TRAPPC12: variants seen among roughly 807,000 people sequenced by gnomAD.
TRAPPC12 encodes the protein trafficking protein particle complex subunit 12.
A neutral mutation model predicts 69.2 loss-of-function variants in TRAPPC12; 61 were observed. That is an observed-to-expected ratio of 0.88 (90% CI 0.72 to 1.09). TRAPPC12 has a LOEUF of 1.09. TRAPPC12 is among the 50% of genes least tolerant of loss of function. The pLI, the probability that TRAPPC12 is intolerant of heterozygous loss-of-function variation, is 0.00. For missense variants in TRAPPC12, 1,101 were observed against 1,016.4 expected, an observed-to-expected ratio of 1.08 and a Z score of -1.13; for synonymous variants, 469 against 438.9, an observed-to-expected ratio of 1.07 and a Z score of -0.86.
At chr2:3,392,129 C>T (rs1358655694) in intron 2 of TRAPPC12, among the ~76,000 whole-genome samples, 1 of 152,166 alleles carries the variant, frequency 6.6e-6, no homozygotes, top group Non-Finnish European at 1.5e-5. Flanking sequence ...GCTAAGAGTA[C>T]TCAGTACCTT....
At chr2:3,436,337 A>G (rs545256192) in intron 5 of TRAPPC12, among the ~76,000 whole-genome samples, 15 of 152,168 alleles carry the variant, frequency 9.9e-5, no homozygotes, top group Non-Finnish European at 2.2e-4. Flanking sequence ...CAATCCCCAT[A>G]TCTGAACCAT....
At chr2:3,453,894 C>G (rs142544293) in intron 6 of TRAPPC12, among the ~76,000 whole-genome samples, 1 of 152,360 alleles carries the variant, frequency 6.6e-6, no homozygotes, top group Non-Finnish European at 1.5e-5. Context: ...AGCCAGACAA[C>G]TGTCTCTAGA....
chr2:3,472,729 A>C (rs1666119331), intron 9 of TRAPPC12: 1 of 152,250 alleles, frequency 6.6e-6, no homozygotes, highest in African/African-American at 2.4e-5. Flanking sequence ...AGAGACTTAC[A>C]TCCAGAATAT....
intron 3 of TRAPPC12, among the ~76,000 whole-genome samples, chr2:3,420,251 G>C (rs192600725): frequency 1.3e-5 from 2 of 152,140 alleles, no homozygotes; most frequent in Non-Finnish European, 2.9e-5. Flanking sequence ...GCAGCCCAGG[G>C]ACGGCTGGTG....
rs1213470111 is a variant in TRAPPC12 at position 3,409,026 on chromosome 2, C to A, written c.1164+7133C>A. On this transcript the variant is annotated intron_variant, in intron 3 of 11. Transcript: ENST00000324266. ...TGCCCGGCCAGGGGCAGTCTCCTGG[C>A]GGCTGTGATCCTCTTCCTGAGGCTG... Among the ~76,000 whole-genome samples the A allele has an allele frequency of 2.0e-5, 3 of 152,210 alleles. No individual in the cohort carries two copies. The South Asian group carries it at 6.2e-4, about 31-fold the overall frequency.
At chr2:3,390,673 T>C (rs1019267467) in intron 2 of TRAPPC12, among the ~76,000 whole-genome samples, 3 of 152,236 alleles carry the variant, frequency 2.0e-5, no homozygotes, top group African/African-American at 7.2e-5. Flanking sequence ...CATGTTGTTA[T>C]TTATTTTACC....
intron 6 of TRAPPC12, among the ~76,000 whole-genome samples, chr2:3,447,934 G>A (rs866553824): frequency 1.4e-4 from 21 of 152,134 alleles, no homozygotes; most frequent in African/African-American, 4.6e-4. Context: ...AGACCTCTCG[G>A]TCCGTGGACT....
intron 3 of TRAPPC12, among the ~76,000 whole-genome samples, chr2:3,421,414 C>T (rs1404495473): frequency 1.3e-5 from 2 of 152,162 alleles, no homozygotes; most frequent in African/African-American, 4.8e-5. Context: ...AAATTATGAA[C>T]ATATAAAGCC....
intron 9 of TRAPPC12, among the ~76,000 whole-genome samples, chr2:3,474,915 A>C (rs1666232574): frequency 6.6e-6 from 1 of 152,122 alleles, no homozygotes; most frequent in Non-Finnish European, 1.5e-5. Context: ...TCTGGGAACC[A>C]TTTTGGTAAC....
intron 5 of TRAPPC12, among the ~76,000 whole-genome samples, chr2:3,433,847 G>T (rs1045581921): frequency 5.9e-5 from 9 of 152,140 alleles, no homozygotes; most frequent in African/African-American, 1.9e-4. Flanking sequence ...AGATCCACTA[G>T]GAATTGTTTT....
intron 3 of TRAPPC12, among the ~76,000 whole-genome samples, chr2:3,413,943 T>A (rs58390804): frequency 0.024 from 3,635 of 152,292 alleles, 194 homozygotes; most frequent in African/African-American, 0.083. Flanking sequence ...CCAGGACTTT[T>A]ACCTCCTAAA....
chr2:3,473,671 A>G (rs1239485251), intron 9 of TRAPPC12, among the ~76,000 whole-genome samples: 2 of 152,146 alleles, frequency 1.3e-5, no homozygotes, highest in Non-Finnish European at 2.9e-5. Context: ...GGGTCTTGCC[A>G]TGTTGCCCAG....
chr2:3,424,466 C>T, intron 4 of TRAPPC12, 59 bp from the exon 5 acceptor site: 1 of 1,518,574 alleles, frequency 6.6e-7, no homozygotes. Flanking sequence ...TAAGGAATAG[C>T]AAATTCTGAA....
intron 2 of TRAPPC12, among the ~76,000 whole-genome samples, chr2:3,398,937 C>T (rs1429912841): frequency 6.6e-6 from 1 of 152,342 alleles, no homozygotes; most frequent in South Asian, 2.1e-4. Flanking sequence ...TAGCACAGCT[C>T]TCTAGAAAGC....
chr2:3,399,038 C>CA (rs1197511754), intron 2 of TRAPPC12, among the ~76,000 whole-genome samples: 1 of 152,232 alleles, frequency 6.6e-6, no homozygotes, highest in Admixed American at 6.5e-5. Context: ...CCTGCGCTGT[C>CA]ACCACCTTCA....
At chr2:3,396,019 C>CA (rs1289220927) in intron 2 of TRAPPC12, among the ~76,000 whole-genome samples, 1 of 152,130 alleles carries the variant, frequency 6.6e-6, no homozygotes, top group African/African-American at 2.4e-5. Context: ...AGTGAGCCAC[C>CA]ACGCCTGGCT....
chr2:3,383,537 G>A (rs1660326105), intron 1 of TRAPPC12, among the ~76,000 whole-genome samples: 2 of 151,554 alleles, frequency 1.3e-5, no homozygotes, highest in South Asian at 4.2e-4. Context: ...TAGCAGAGTA[G>A]CTGGGATTAC....
Position 3,478,888 on chromosome 2 carries a change from C to G in TRAPPC12, c.1920C>G (p.His640Gln). Reference protein sequence around the residue: ...HLGQNNFAEAHRFFTEILRMD... With the variant: ...HLGQNNFAEAQRFFTEILRMD... ...GGCAGAATAACTTTGCAGAAGCCCACAGGTTCTTCACAGAGATCTTAAGGA... is the reference window on the plus strand; with the variant it reads ...GGCAGAATAACTTTGCAGAAGCCCAGAGGTTCTTCACAGAGATCTTAAGGA... Residue 640 changes from histidine (H) to glutamine (Q), a missense_variant, in exon 11 of 12, where the codon CAC becomes CAG. His to Gln is a conservative substitution (Grantham distance 24, BLOSUM62 0). Transcript: ENST00000324266. 2.5e-6 allele frequency: 4 copies of G among 1,614,212 alleles called. No homozygotes were observed. Among genetic ancestry groups the G allele is most frequent in the Non-Finnish European group, 3.4e-6 (4 of 1,180,050 alleles).
At chr2:3,478,740 G>A in intron 10 of TRAPPC12, 106 bp from the exon 11 acceptor site, 1 of 937,954 alleles carries the variant, frequency 1.1e-6, no homozygotes, top group Non-Finnish European at 1.7e-6. Context: ...GGCCACACAG[G>A]GCCATACGCT....
Sources: gnomAD v4.1 joint callset for allele counts (sites outside exome capture counted in the v4.1 genomes callset) on GRCh38, gnomAD v4.1.1 for gene constraint, MANE v1.5 for transcripts, NCBI Gene and HGNC (gene_info 2026-07-23, HGNC 2026-07-21) for gene names.